Variants in CCBE1 observed in about 807,000 individuals in gnomAD.
CCBE1 encodes the protein collagen and calcium binding EGF domains 1, also known as collagen and calcium-binding EGF domain-containing protein 1.
Under a neutral mutation model 50.0 loss-of-function variants are expected in CCBE1, and 37 were observed. The observed-to-expected ratio is 0.74, with a 90% CI of 0.57 to 0.97. CCBE1 has a LOEUF of 0.97. Among genes scored for constraint, CCBE1 ranks in the 50% least tolerant of loss-of-function variants. The pLI is 0.00. For synonymous variants in CCBE1, 234 were observed against 203.7 expected (o/e 1.15, Z -1.27); for missense variants, 538 against 523.8 (o/e 1.03, Z -0.26).
chr18:59,564,363 C>T (rs548754550), intron 2 of CCBE1, among the ~76,000 whole-genome samples: 110 of 152,216 alleles, frequency 7.2e-4, no homozygotes, highest in African/African-American at 2.5e-3. Context: ...AAATGAGATA[C>T]TATATATATA....
intron 2 of CCBE1, among the ~76,000 whole-genome samples, chr18:59,575,103 C>T (rs2052974083): frequency 6.6e-6 from 1 of 152,144 alleles, no homozygotes; most frequent in South Asian, 2.1e-4. Flanking sequence ...AGCAGACCTC[C>T]AGAAGGTGGA....
intron 2 of CCBE1, among the ~76,000 whole-genome samples, chr18:59,594,752 A>C (rs2053325904): frequency 6.6e-6 from 1 of 152,050 alleles, no homozygotes; most frequent in Admixed American, 6.6e-5. Context: ...TCTGCACCCT[A>C]TGAGTAGGGA....
chr18:59,496,589 C>G (rs1913367448), intron 2 of CCBE1, among the ~76,000 whole-genome samples: 1 of 152,170 alleles, frequency 6.6e-6, no homozygotes, highest in African/African-American at 2.4e-5. Context: ...GTGACAGATC[C>G]ATCACCTTTA....
At chr18:59,675,733 A>T (rs573782115) in intron 2 of CCBE1, among the ~76,000 whole-genome samples, 1 of 152,304 alleles carries the variant, frequency 6.6e-6, no homozygotes, top group South Asian at 2.1e-4. Flanking sequence ...AAAAATTAGG[A>T]AGACATTCTC....
intron 2 of CCBE1, among the ~76,000 whole-genome samples, chr18:59,694,316 T>C (rs1035389085): frequency 2.6e-5 from 4 of 152,206 alleles, no homozygotes; most frequent in African/African-American, 9.7e-5. Flanking sequence ...TCATCAGTAA[T>C]GCTGTATTAC....
chr18:59,689,993 A>G (rs1003412277), intron 2 of CCBE1, among the ~76,000 whole-genome samples: 9 of 152,188 alleles, frequency 5.9e-5, no homozygotes, highest in Non-Finnish European at 5.9e-5. Flanking sequence ...AAAGTGTGAC[A>G]TTAATCAAAT....
intron 2 of CCBE1, among the ~76,000 whole-genome samples, chr18:59,594,739 G>A (rs763242032): frequency 2.5e-4 from 38 of 152,132 alleles, no homozygotes; most frequent in African/African-American, 7.7e-4. Context: ...TCTTTAACCC[G>A]AGTCTGCACC....
intron 2 of CCBE1, among the ~76,000 whole-genome samples, chr18:59,562,897 CGT>C (rs1491489788): frequency 2.6e-5 from 4 of 151,942 alleles, no homozygotes; most frequent in Non-Finnish European, 5.9e-5. Flanking sequence ...GTTTCGATCT[CGT>C]TTGTTTCAGT....
intron 2 of CCBE1, among the ~76,000 whole-genome samples, chr18:59,651,523 A>T (rs1451376962): frequency 3.9e-5 from 6 of 152,222 alleles, no homozygotes; most frequent in Admixed American, 6.5e-5. Flanking sequence ...ATTTTTCTGC[A>T]CTATTAGTTT....
chr18:59,555,288 G>C lies in CCBE1; in HGVS notation c.213-75050C>G, dbSNP rs80175841. On this transcript the variant is annotated intron_variant, in intron 2 of 10. Coordinates refer to ENST00000439986, the MANE Select transcript of CCBE1 (RefSeq NM_133459.4). The stretch of plus-strand genomic sequence containing the variant: ...GACCATATGGGTCCTTAGCTCTCTT[G>C]GGAGGGAAGGAGTTGAATTTGATGG... Among the ~76,000 whole-genome samples the C allele has an allele frequency of 2.6e-4, 40 of 152,326 alleles. No individual in the cohort carries two copies. In the East Asian group the frequency reaches 7.3e-3, roughly 28 times the overall value.
At chr18:59,441,086 A>G (rs908606904) in intron 7 of CCBE1, among the ~76,000 whole-genome samples, 8 of 152,224 alleles carry the variant, frequency 5.3e-5, no homozygotes, top group Admixed American at 5.2e-4. Flanking sequence ...CATTAGGTTG[A>G]CTTAGCTTCC....
At chr18:59,672,710 G>A (rs919690465) in intron 2 of CCBE1, among the ~76,000 whole-genome samples, 4 of 152,196 alleles carry the variant, frequency 2.6e-5, no homozygotes, top group African/African-American at 4.8e-5. Flanking sequence ...TTGTGAGCAA[G>A]AGAATAATTT....
intron 2 of CCBE1, among the ~76,000 whole-genome samples, chr18:59,572,440 A>G (rs921602616): frequency 6.6e-6 from 1 of 152,326 alleles, no homozygotes; most frequent in East Asian, 1.9e-4. Flanking sequence ...CATAATTAAA[A>G]CCATGTGAAA....
At chr18:59,597,575 G>A (rs2053371398) in intron 2 of CCBE1, among the ~76,000 whole-genome samples, 1 of 152,084 alleles carries the variant, frequency 6.6e-6, no homozygotes, top group Non-Finnish European at 1.5e-5. Flanking sequence ...AGTAGTAGTA[G>A]TAGAAGAAAG....
At chr18:59,599,876 A>C (rs1599050173) in intron 2 of CCBE1, among the ~76,000 whole-genome samples, 1 of 152,202 alleles carries the variant, frequency 6.6e-6, no homozygotes, top group African/African-American at 2.4e-5. Context: ...AATTATTAAC[A>C]AAATATTCCA....
At chr18:59,601,169 C>T (rs1186662756) in intron 2 of CCBE1, among the ~76,000 whole-genome samples, 2 of 151,478 alleles carry the variant, frequency 1.3e-5, no homozygotes, top group Non-Finnish European at 2.9e-5. Flanking sequence ...GTAGCTGGGA[C>T]TAGAGGCGCA....
intron 2 of CCBE1, among the ~76,000 whole-genome samples, chr18:59,586,132 C>T (rs2053174932): frequency 6.6e-6 from 1 of 152,214 alleles, no homozygotes; most frequent in Admixed American, 6.5e-5. Context: ...GAGAAATGCT[C>T]AGCCTAACTT....
At chr18:59,554,359 C>T (rs1410258649) in intron 2 of CCBE1, among the ~76,000 whole-genome samples, 1 of 152,172 alleles carries the variant, frequency 6.6e-6, no homozygotes, top group East Asian at 1.9e-4. Flanking sequence ...GGCTCTCTTT[C>T]ATGATTTTCT....
chr18:59,597,611 G>A (rs543410610), intron 2 of CCBE1, among the ~76,000 whole-genome samples: 2 of 152,238 alleles, frequency 1.3e-5, no homozygotes, highest in East Asian at 1.9e-4. Context: ...AAGAAAAAAC[G>A]GGGAAAAGTA....
Sources: allele counts gnomAD v4.1 joint callset (sites outside exome capture counted in the v4.1 genomes callset), GRCh38; gene constraint gnomAD v4.1.1; transcripts MANE v1.5; gene names NCBI Gene and HGNC (gene_info 2026-07-23, HGNC 2026-07-21).